RFX2: variants seen among roughly 807,000 people sequenced by gnomAD.
RFX2 encodes regulatory factor X2, also known as DNA-binding protein RFX2.
RFX2 carries 20 observed loss-of-function variants against 87.8 expected under a neutral mutation model. The observed-to-expected ratio is 0.23, with a 90% CI of 0.16 to 0.33. RFX2 has a LOEUF of 0.33. Ranked by LOEUF, RFX2 falls within the 10% of genes least tolerant of loss-of-function variation. The probability of loss-of-function intolerance (pLI) is 1.00; values close to 1 mark genes in which losing one functional copy is unlikely to be tolerated. For synonymous variants in RFX2, 397 were observed against 431.3 expected, an observed-to-expected ratio of 0.92 and a Z score of 0.98; for missense variants, 767 against 1,012.3, an observed-to-expected ratio of 0.76 and a Z score of 3.29.
intron 15 of RFX2, among the ~76,000 whole-genome samples, chr19:6,000,295 G>A (rs1360352059): frequency 2.6e-5 from 4 of 152,158 alleles, no homozygotes; most frequent in East Asian, 1.9e-4. Context: ...AGGCAAACTC[G>A]TTTTCACGCT....
chr19:6,002,515 G>C lies in RFX2; in HGVS notation c.1650+206C>G, dbSNP rs2086504956. 1.3e-5 allele frequency among the ~76,000 whole-genome samples: 2 copies of C among 152,214 alleles called. No individual in the cohort carries two copies. The highest frequency in any genetic ancestry group is 4.1e-4 in the South Asian group (2 of 4,836). The stretch of plus-strand genomic sequence containing the variant: ...AGCAGAAGTGTTGGCCACAGCGCCT[G>C]GACGCCAGAGGGCCCTGAGAGATGA... On this transcript the variant is annotated intron_variant, in intron 14 of 17. Coordinates refer to ENST00000303657, the MANE Select transcript of RFX2 (RefSeq NM_000635.4). The surrounding 1 kb of genome is among the most constrained non-coding windows in gnomAD (Gnocchi z 6.7).
chr19:6,107,480 G>A (rs113346699), intron 1 of RFX2, among the ~76,000 whole-genome samples: 3,819 of 151,794 alleles, frequency 0.025, 175 homozygotes, highest in African/African-American at 0.088. Context: ...AGCCGGGTGT[G>A]GGGGTGCATG....
chr19:5,996,941 G>A, intron 16 of RFX2, 119 bp downstream of exon 16: 1 of 1,073,794 alleles, frequency 9.3e-7, no homozygotes, highest in South Asian at 1.6e-5. Flanking sequence ...CTGCAGCTCT[G>A]TCCGGGCGGC....
intron 5 of RFX2, among the ~76,000 whole-genome samples, chr19:6,037,848 C>A (rs74553372): frequency 0.026 from 3,890 of 152,184 alleles, 375 homozygotes; most frequent in Admixed American, 0.17. Context: ...CTGAAATAAA[C>A]CCACACACAT....
chr19:6,077,894 C>A (rs602054), intron 1 of RFX2, among the ~76,000 whole-genome samples: 9,726 of 150,388 alleles, frequency 0.065, 1,040 homozygotes, highest in African/African-American at 0.23. Context: ...GCAGGAGAAT[C>A]GCTTGAACCC....
intron 1 of RFX2, among the ~76,000 whole-genome samples, chr19:6,096,853 C>A (rs1052204830): frequency 1.3e-5 from 2 of 152,178 alleles, no homozygotes; most frequent in African/African-American, 4.8e-5. Context: ...ATGTGGTCTC[C>A]CCCTCCCAGG....
At position 6,089,005 on chromosome 19, in the gene RFX2, T is replaced by C. The variant is rs950305185; in HGVS notation, c.-9+21388A>G. Among the ~76,000 whole-genome samples, 9 of 152,322 alleles carry C rather than the reference T, an allele frequency of 5.9e-5. 1 individual carries two copies. The highest frequency in any genetic ancestry group is 1.3e-4 in the Admixed American group (2 of 15,304). On this transcript the variant is annotated intron_variant, in intron 1 of 17. Coordinates refer to ENST00000303657, the MANE Select transcript of RFX2 (RefSeq NM_000635.4). ...TGTGAATTTCAGATAATTTTGTATG[T>C]CCTAAAATATTCTTCTTTTGATTTT...
chr19:6,050,732 GA>G lies in RFX2; in HGVS notation c.-8-3229del, dbSNP rs1599883842. 6.6e-6 allele frequency among the ~76,000 whole-genome samples: 1 copy of G among 152,116 alleles called. No individual in the cohort carries two copies. Among genetic ancestry groups the G allele is most frequent in the East Asian group, 1.9e-4 (1 of 5,186 alleles). On this transcript the variant is annotated intron_variant, in intron 1 of 17. Transcript: ENST00000303657. This position sits in a 1 kb window ranked among gnomAD's most constrained non-coding sequence, Gnocchi z 4.6. The stretch of plus-strand genomic sequence containing the variant: ...TATATGTAACGAGAGTCCCAGAAGA[GA>G]AAAAGAGAATGTAAGAGAAAAAAAT...
intron 1 of RFX2, among the ~76,000 whole-genome samples, chr19:6,049,890 G>A (rs1026883090): frequency 6.6e-6 from 1 of 152,234 alleles, no homozygotes; most frequent in African/African-American, 2.4e-5. Flanking sequence ...CAATGAGTCT[G>A]TGGCTTTTTG....
In RFX2 at chr19:6,038,383, T is replaced by C. The variant is rs535666138; in HGVS notation, c.522+1597A>G. 2.0e-5 allele frequency among the ~76,000 whole-genome samples: 3 copies of C among 150,046 alleles called. No individual in the cohort carries two copies. In the East Asian group the frequency reaches 5.8e-4, roughly 29 times the overall value. On this transcript the variant is annotated intron_variant, in intron 5 of 17. Transcript: ENST00000303657. ...AACAAAAGTAAAACTATAAAACTTT[T>C]CAAAGAAAACAGGAGAAAATCTTCA...
At chr19:6,003,283 T>C (rs1426119402) in intron 13 of RFX2, among the ~76,000 whole-genome samples, 1 of 152,058 alleles carries the variant, frequency 6.6e-6, no homozygotes, top group African/African-American at 2.4e-5. Flanking sequence ...CAGGCTGGTC[T>C]CAAACTCGTG....
intron 4 of RFX2, among the ~76,000 whole-genome samples, chr19:6,041,462 T>C (rs1167630354): frequency 6.6e-6 from 1 of 152,182 alleles, no homozygotes. Flanking sequence ...CAGAAAACTC[T>C]AGACATCCTT....
rs981382444 is a variant in RFX2, at chr19:6,047,880, G to T, written c.-8-376C>A. On this transcript the variant is annotated intron_variant, in intron 1 of 17. Transcript: ENST00000303657. This position sits in a 1 kb window ranked among gnomAD's most constrained non-coding sequence, Gnocchi z 4.2. ...CAGAAATCAAAAGCTCTGGGTGGGT[G>T]ACTGCCATTTGGGAAGCTACTGCAC... Among the ~76,000 whole-genome samples, 1 of 152,234 alleles carries T rather than the reference G, an allele frequency of 6.6e-6. No homozygotes were observed. The highest frequency in any genetic ancestry group is 1.5e-5 in the Non-Finnish European group (1 of 68,040).
intron 1 of RFX2, among the ~76,000 whole-genome samples, chr19:6,082,732 T>C (rs971200452): frequency 5.2e-4 from 79 of 152,180 alleles, no homozygotes; most frequent in African/African-American, 1.8e-3. Context: ...TGGAAAACTT[T>C]CTATAAGGGC....
At position 6,002,905 on chromosome 19, in the gene RFX2, C is replaced by G; in HGVS notation, c.1501-35G>C. 1 of 1,581,390 alleles carries G rather than the reference C, an allele frequency of 6.3e-7. No homozygotes were observed. On this transcript the variant is annotated intron_variant, in intron 13 of 17. Transcript: ENST00000303657. The surrounding 1 kb of genome is among the most constrained non-coding windows in gnomAD (Gnocchi z 6.7). ...AGGGCTCGTGGTGAGCAGGGGTTCG[C>G]AGGGAGAGCCTGTTCCGCTGCGCTC...
chr19:6,033,563 T>G (rs2086977354), intron 5 of RFX2, among the ~76,000 whole-genome samples: 2 of 148,604 alleles, frequency 1.3e-5, no homozygotes, highest in Non-Finnish European at 3.0e-5. Context: ...TTCAAACATA[T>G]CTTTCAAAGG....
intron 1 of RFX2, among the ~76,000 whole-genome samples, chr19:6,059,882 A>C (rs1305393541): frequency 3.3e-5 from 5 of 152,048 alleles, no homozygotes; most frequent in Non-Finnish European, 5.9e-5. Flanking sequence ...TCATTTTCTT[A>C]CTCCATACAT....
intron 5 of RFX2, among the ~76,000 whole-genome samples, chr19:6,034,841 G>A (rs1296917277): frequency 6.6e-6 from 1 of 152,100 alleles, no homozygotes; most frequent in Non-Finnish European, 1.5e-5. Flanking sequence ...AGGGCTGCCT[G>A]ACTGGAGAGT....
Position 6,021,693 on chromosome 19 carries a change from C to T in RFX2, c.597+4470G>A, listed in dbSNP as rs2086812988. Among the ~76,000 whole-genome samples the T allele has an allele frequency of 6.6e-6, 1 of 152,204 alleles. No homozygotes were observed. Among genetic ancestry groups the T allele is most frequent in the Non-Finnish European group, 1.5e-5 (1 of 68,038 alleles). On this transcript the variant is annotated intron_variant, in intron 6 of 17. Coordinates refer to ENST00000303657, the MANE Select transcript of RFX2 (RefSeq NM_000635.4). The surrounding 1 kb of genome is among the most constrained non-coding windows in gnomAD (Gnocchi z 5.7). Reference sequence around the variant, plus strand: ...CGAGGAGGCCCGTGTGGCTGGAGCACAGTGAGGAGTGGGAGAGAGCGGGTC... The same window carrying T: ...CGAGGAGGCCCGTGTGGCTGGAGCATAGTGAGGAGTGGGAGAGAGCGGGTC...
Sources: gnomAD v4.1 joint callset for allele counts (sites outside exome capture counted in the v4.1 genomes callset) on GRCh38, gnomAD v4.1.1 for gene constraint, Gnocchi (gnomAD v3.1) non-coding constraint, MANE v1.5 for transcripts, NCBI Gene and HGNC (gene_info 2026-07-23, HGNC 2026-07-21) for gene names.